MCUB: variants seen among roughly 807,000 people sequenced by gnomAD.
MCUB encodes mitochondrial calcium uniporter dominant negative subunit beta, also known as calcium uniporter regulatory subunit MCUb, mitochondrial.
MCUB carries 46 observed loss-of-function variants against 41.4 expected under a neutral mutation model. That is an observed-to-expected ratio of 1.11 (90% confidence interval 0.88 to 1.42). The LOEUF is 1.42. MCUB is among the 40% of genes most tolerant of loss of function. The probability of loss-of-function intolerance (pLI) is 0.00; values close to 1 mark genes in which losing one functional copy is unlikely to be tolerated. For synonymous variants in MCUB, 148 were observed against 148.2 expected (o/e 1.00, Z 0.01); for missense variants, 403 against 404.9 (o/e 1.00, Z 0.04).
intron 1 of MCUB, among the ~76,000 whole-genome samples, chr4:109,606,884 T>C (rs1389061991): frequency 1.3e-5 from 2 of 151,744 alleles, no homozygotes; most frequent in Non-Finnish European, 2.9e-5. Context: ...GTAGCTGGGA[T>C]TACAGGCACC....
chr4:109,584,753 T>C (rs7692056), intron 1 of MCUB, among the ~76,000 whole-genome samples: 1 of 152,096 alleles, frequency 6.6e-6, no homozygotes, highest in Non-Finnish European at 1.5e-5. Context: ...TTCCATGTAG[T>C]TGCGTGGTTT....
rs1053362883 is a variant in MCUB at position 109,610,038 on chromosome 4, C to T, written c.100-48973C>T. ...CCCCTTTCCACAAGCAGAGGAGCCT[C>T]TCCCTGTGGCCACTGCCACCATAGG... On this transcript the variant is annotated intron_variant, in intron 1 of 7. Transcript: ENST00000394650. Among the ~76,000 whole-genome samples the T allele has an allele frequency of 2.6e-5, 4 of 152,292 alleles. No homozygotes were observed. In the East Asian group the frequency reaches 5.8e-4, roughly 22 times the overall value.
intron 1 of MCUB, among the ~76,000 whole-genome samples, chr4:109,627,786 A>C (rs1202983444): frequency 6.6e-6 from 1 of 151,962 alleles, no homozygotes; most frequent in Non-Finnish European, 1.5e-5. Context: ...GGTGGTGCGC[A>C]CCTGTAATCC....
intron 3 of MCUB, among the ~76,000 whole-genome samples, chr4:109,663,060 G>A (rs899436016): frequency 2.0e-5 from 3 of 152,170 alleles, no homozygotes; most frequent in African/African-American, 7.2e-5. Flanking sequence ...ACTATAGGGA[G>A]GCAGACAAGA....
rs113534598 is a variant in MCUB at position 109,638,663 on chromosome 4, G to A, written c.100-20348G>A. 4.7e-3 allele frequency among the ~76,000 whole-genome samples: 713 copies of A among 152,258 alleles called. 1 individual carries two copies. Among genetic ancestry groups the A allele is most frequent in the Non-Finnish European group, 8.6e-3 (586 of 68,018 alleles). ...TTTTATGATCGATTCTCTGTAGCAT[G>A]TGATATTATTTGATAACATTTTACC... On this transcript the variant is annotated intron_variant, in intron 1 of 7. Coordinates refer to ENST00000394650, the MANE Select transcript of MCUB (RefSeq NM_017918.5).
intron 1 of MCUB, among the ~76,000 whole-genome samples, chr4:109,637,935 G>A (rs1728631047): frequency 6.6e-6 from 1 of 152,206 alleles, no homozygotes; most frequent in African/African-American, 2.4e-5. Context: ...TAAAATGACT[G>A]TATATAGGCA....
intron 1 of MCUB, among the ~76,000 whole-genome samples, chr4:109,615,407 T>TTC (rs2126134399): frequency 6.8e-6 from 1 of 147,692 alleles, no homozygotes; most frequent in East Asian, 2.0e-4. Context: ...AGATGTGAAT[T>TTC]TTTTTTTTTT....
rs149207621 is a variant in MCUB at position 109,621,180 on chromosome 4, T to C, written c.100-37831T>C. On this transcript the variant is annotated intron_variant, in intron 1 of 7. Transcript: ENST00000394650. ...TCCCAAAGTGCTGGGATTACAGGTGTGAGCCACTGCACCCAGCCCCCTCAT... is the reference window on the plus strand; with the variant it reads ...TCCCAAAGTGCTGGGATTACAGGTGCGAGCCACTGCACCCAGCCCCCTCAT... Among the ~76,000 whole-genome samples, 848 of 152,268 alleles carry C rather than the reference T, an allele frequency of 5.6e-3. 25 individuals are homozygous for C. The East Asian group carries it at 0.065, about 12-fold the overall frequency.
Position 109,597,951 on chromosome 4 carries a change from C to T in MCUB, c.99+37515C>T, listed in dbSNP as rs1338401119. Among the ~76,000 whole-genome samples, 36 of 150,498 alleles carry T rather than the reference C, an allele frequency of 2.4e-4. No homozygotes were observed. The East Asian group carries it at 2.8e-3, about 12-fold the overall frequency. ...CCGGGCAGAGGCGCTCCTCACATCC[C>T]AGATGGGGCGGCGGGGCAGAGGCGC... On this transcript the variant is annotated intron_variant, in intron 1 of 7. Coordinates refer to ENST00000394650, the MANE Select transcript of MCUB (RefSeq NM_017918.5).
At chr4:109,574,616 T>A (rs1450487354) in intron 1 of MCUB, among the ~76,000 whole-genome samples, 1 of 152,004 alleles carries the variant, frequency 6.6e-6, no homozygotes, top group Non-Finnish European at 1.5e-5. Flanking sequence ...TATTTAAAGG[T>A]CCCAGATCTA....
At chr4:109,585,659 C>T (rs1326068464) in intron 1 of MCUB, among the ~76,000 whole-genome samples, 1 of 152,170 alleles carries the variant, frequency 6.6e-6, no homozygotes, top group Non-Finnish European at 1.5e-5. Flanking sequence ...GACAAAATCT[C>T]TCAGCATTTG....
intron 1 of MCUB, among the ~76,000 whole-genome samples, chr4:109,573,065 G>T (rs1164613393): frequency 6.6e-6 from 1 of 152,114 alleles, no homozygotes; most frequent in African/African-American, 2.4e-5. Context: ...TAGGTCCTGT[G>T]GAATTGTCTT....
intron 1 of MCUB, among the ~76,000 whole-genome samples, chr4:109,649,857 A>G (rs1210326512): frequency 6.6e-6 from 1 of 152,130 alleles, no homozygotes; most frequent in East Asian, 1.9e-4. Context: ...TACACGCATG[A>G]GCCACTGCGT....
chr4:109,678,286 A>G (rs1230773850), intron 4 of MCUB, among the ~76,000 whole-genome samples: 1 of 151,824 alleles, frequency 6.6e-6, no homozygotes, highest in African/African-American at 2.4e-5. Flanking sequence ...TCTATTCGAC[A>G]AAACCGCCAT....
chr4:109,584,198 A>G (rs1425827118), intron 1 of MCUB, among the ~76,000 whole-genome samples: 1 of 152,132 alleles, frequency 6.6e-6, no homozygotes, highest in East Asian at 1.9e-4. Context: ...GTGTCCAGGA[A>G]TTTATCCATT....
intron 1 of MCUB, among the ~76,000 whole-genome samples, chr4:109,603,816 C>T (rs1038949619): frequency 3.2e-4 from 49 of 151,842 alleles, no homozygotes; most frequent in Non-Finnish European, 1.8e-4. Flanking sequence ...GTGGGGGGCA[C>T]CTCTGCCCGG....
At chr4:109,593,873 A>G (rs890575430) in intron 1 of MCUB, among the ~76,000 whole-genome samples, 1 of 152,184 alleles carries the variant, frequency 6.6e-6, no homozygotes, top group Non-Finnish European at 1.5e-5. Context: ...GCATCATATC[A>G]TAGATATGAA....
intron 1 of MCUB, among the ~76,000 whole-genome samples, chr4:109,563,882 C>T (rs1283629094): frequency 1.3e-5 from 2 of 151,802 alleles, no homozygotes; most frequent in African/African-American, 4.8e-5. Flanking sequence ...CCACCGCGCC[C>T]AGCCCACAGC....
intron 1 of MCUB, among the ~76,000 whole-genome samples, chr4:109,633,963 T>C (rs1448457271): frequency 6.6e-6 from 1 of 151,964 alleles, no homozygotes; most frequent in Non-Finnish European, 1.5e-5. Context: ...CTTTTTATTA[T>C]CACGCTGTAC....
Sources: gnomAD v4.1 joint callset for allele counts (sites outside exome capture counted in the v4.1 genomes callset) on GRCh38, gnomAD v4.1.1 for gene constraint, MANE v1.5 for transcripts, NCBI Gene and HGNC (gene_info 2026-07-23, HGNC 2026-07-21) for gene names.